The following PACSIN2 variants were observed in gnomAD, a reference collection of about 807,000 sequenced individuals.
PACSIN2 encodes protein kinase C and casein kinase substrate in neurons 2.
PACSIN2 carries 25 observed loss-of-function variants against 63.8 expected under a neutral mutation model. The observed-to-expected ratio is 0.39, with a 90% CI of 0.29 to 0.55. PACSIN2 has a LOEUF of 0.55. PACSIN2 is among the 20% of genes least tolerant of loss of function. PACSIN2 has a pLI of 0.62. For synonymous variants in PACSIN2, 255 were observed against 256.2 expected (o/e 1.00, Z 0.05); for missense variants, 518 against 646.9 (o/e 0.80, Z 2.16).
At chr22:42,960,961 A>T (rs2146849896) in intron 1 of PACSIN2, among the ~76,000 whole-genome samples, 1 of 152,352 alleles carries the variant, frequency 6.6e-6, no homozygotes, top group East Asian at 1.9e-4. Context: ...ATTTCAAGGG[A>T]TCAATTTCTG....
intron 2 of PACSIN2, among the ~76,000 whole-genome samples, chr22:42,900,909 C>T (rs1398340891): frequency 6.6e-6 from 1 of 152,204 alleles, no homozygotes; most frequent in East Asian, 1.9e-4. Context: ...CTGAGACTTA[C>T]CAAGTCAACA....
chr22:43,011,091 T>C (rs755651822), intron 1 of PACSIN2, among the ~76,000 whole-genome samples: 48 of 152,278 alleles, frequency 3.2e-4, no homozygotes, highest in Non-Finnish European at 6.0e-4. Context: ...TACAAAACTA[T>C]CCCAAGAACC....
chr22:42,872,710 G>A (rs2146618237), intron 10 of PACSIN2, among the ~76,000 whole-genome samples: 1 of 152,332 alleles, frequency 6.6e-6, no homozygotes, highest in Middle Eastern at 3.4e-3. Context: ...GTGGACTGGG[G>A]GTACTGTGAA....
chr22:43,000,456 T>C (rs1200260535), intron 1 of PACSIN2, among the ~76,000 whole-genome samples: 1 of 152,156 alleles, frequency 6.6e-6, no homozygotes, highest in African/African-American at 2.4e-5. Context: ...GTTTGGAGGA[T>C]TGGAGGAGGT....
intron 1 of PACSIN2, among the ~76,000 whole-genome samples, chr22:42,998,423 C>T (rs1008236381): frequency 6.6e-6 from 1 of 152,122 alleles, no homozygotes; most frequent in Admixed American, 6.6e-5. Flanking sequence ...CGCACAGATG[C>T]CAGACAGACA....
intron 8 of PACSIN2, among the ~76,000 whole-genome samples, chr22:42,877,770 G>A (rs1401784125): frequency 6.6e-6 from 1 of 152,134 alleles, no homozygotes; most frequent in Non-Finnish European, 1.5e-5. Context: ...AGGCACCAAG[G>A]GCCCTGGCAC....
At chr22:42,891,538 T>C (rs1361404963) in intron 3 of PACSIN2, among the ~76,000 whole-genome samples, 3 of 152,068 alleles carry the variant, frequency 2.0e-5, no homozygotes, top group Non-Finnish European at 4.4e-5. Flanking sequence ...GTAGCTGGGA[T>C]TACAGGTGCC....
chr22:42,937,569 G>T (rs1321858144), intron 1 of PACSIN2, among the ~76,000 whole-genome samples: 1 of 152,094 alleles, frequency 6.6e-6, no homozygotes, highest in East Asian at 1.9e-4. Context: ...ACCACACACT[G>T]AATCTCCACA....
intron 1 of PACSIN2, among the ~76,000 whole-genome samples, chr22:43,002,914 A>G (rs1218330374): frequency 6.6e-6 from 1 of 152,260 alleles, no homozygotes; most frequent in Non-Finnish European, 1.5e-5. Context: ...GTGAATCTGA[A>G]TAATACAATT....
intron 1 of PACSIN2, among the ~76,000 whole-genome samples, chr22:42,987,924 T>C (rs970494915): frequency 6.6e-6 from 1 of 151,838 alleles, no homozygotes; most frequent in African/African-American, 2.4e-5. Context: ...GCAGATCACT[T>C]GAGGTCAGGA....
chr22:43,004,261 G>C (rs928819211), intron 1 of PACSIN2, among the ~76,000 whole-genome samples: 2 of 152,160 alleles, frequency 1.3e-5, no homozygotes, highest in Admixed American at 6.6e-5. Flanking sequence ...CTATCTGGTT[G>C]CAAGAATTAA....
At chr22:42,930,602 G>C (rs1456595081) in intron 1 of PACSIN2, among the ~76,000 whole-genome samples, 1 of 152,218 alleles carries the variant, frequency 6.6e-6, no homozygotes, top group African/African-American at 2.4e-5. Context: ...TTGGAAGTAT[G>C]AAAGTAGGTC....
At chr22:42,981,431 G>T (rs1323853606) in intron 1 of PACSIN2, among the ~76,000 whole-genome samples, 2 of 117,496 alleles carry the variant, frequency 1.7e-5, no homozygotes, top group Non-Finnish European at 3.5e-5. Flanking sequence ...CCCCTACTGG[G>T]AAGTGAGGAG....
At chr22:43,008,753 C>T (rs1924261753) in intron 1 of PACSIN2, among the ~76,000 whole-genome samples, 1 of 152,230 alleles carries the variant, frequency 6.6e-6, no homozygotes, top group Non-Finnish European at 1.5e-5. Context: ...AGGGAGGGGC[C>T]TCCTAGACTG....
At chr22:42,959,597 G>A (rs1037584140) in intron 1 of PACSIN2, 2 of 152,172 alleles carry the variant, frequency 1.3e-5, no homozygotes, top group African/African-American at 2.4e-5. Context: ...AAGCACCCTG[G>A]ATAAAGCATT....
At chr22:43,005,428 G>A (rs1187092226) in intron 1 of PACSIN2, among the ~76,000 whole-genome samples, 1 of 152,146 alleles carries the variant, frequency 6.6e-6, no homozygotes, top group East Asian at 1.9e-4. Flanking sequence ...CCATCATCAG[G>A]CCCTTACCCC....
intron 2 of PACSIN2, among the ~76,000 whole-genome samples, chr22:42,910,561 C>T (rs1036652385): frequency 6.6e-6 from 1 of 152,228 alleles, no homozygotes; most frequent in Non-Finnish European, 1.5e-5. Flanking sequence ...CAAACCACGT[C>T]GTGTAACTGC....
chr22:42,967,255 C>G (rs774540080), intron 1 of PACSIN2, among the ~76,000 whole-genome samples: 9 of 152,180 alleles, frequency 5.9e-5, no homozygotes, highest in Admixed American at 5.9e-4. Flanking sequence ...GTGGCCTCCC[C>G]TCTTTGGCTG....
At chr22:42,887,752 C>T (rs187109448) in intron 5 of PACSIN2, among the ~76,000 whole-genome samples, 16 of 151,960 alleles carry the variant, frequency 1.1e-4, no homozygotes, top group Admixed American at 9.2e-4. Flanking sequence ...CAGGACCTTC[C>T]AGGCAGAATC....
Sources: gnomAD v4.1 joint callset for allele counts (sites outside exome capture counted in the v4.1 genomes callset) on GRCh38, gnomAD v4.1.1 for gene constraint, MANE v1.5 for transcripts, NCBI Gene and HGNC (gene_info 2026-07-23, HGNC 2026-07-21) for gene names.